The following HIRA variants were observed in gnomAD, a reference collection of about 807,000 sequenced individuals.
HIRA encodes histone cell cycle regulator.
Under a neutral mutation model 126.6 loss-of-function variants are expected in HIRA, and 13 were observed. The ratio of observed to expected loss-of-function variants is 0.10; its 90% CI spans 0.07 to 0.16. HIRA has a LOEUF of 0.16. HIRA is among the 10% of genes least tolerant of loss of function. HIRA has a pLI of 1.00. For synonymous variants in HIRA, 511 were observed against 520.0 expected, an observed-to-expected ratio of 0.98 and a Z score of 0.24; for missense variants, 834 against 1,314.4, an observed-to-expected ratio of 0.63 and a Z score of 5.65.
chr22:19,418,972 G>A (rs2089422278), intron 1 of HIRA, among the ~76,000 whole-genome samples: 1 of 151,526 alleles, frequency 6.6e-6, no homozygotes, highest in Non-Finnish European at 1.5e-5. Context: ...TTTAAAAAAC[G>A]ATATATATGT....
rs782316697 is a variant in HIRA, at chr22:19,356,939, T to C, written c.2347A>G (p.Thr783Ala). 2.3e-5 allele frequency: 37 copies of C among 1,613,850 alleles called. No individual in the cohort carries two copies. The South Asian group carries it at 4.0e-4, about 17-fold the overall frequency. The change falls in exon 19 of 25, where the codon ACA (threonine) becomes GCA (alanine). Residue 783 changes from threonine to alanine, a missense_variant. Physicochemically the swap from Thr to Ala is moderately conservative, Grantham distance 58. Around this residue, in one of 5 missense-constraint regions of HIRA, gnomAD observed 468 missense variants for 574.2 expected, o/e 0.82. Coordinates refer to ENST00000263208, the MANE Select transcript of HIRA (RefSeq NM_003325.4). ...GTGAGCGCCATGACGTAGGAGCCTGTGCAATGCAAAGTAGAGATCGGGGAT... is the reference window on the plus strand; with the variant it reads ...GTGAGCGCCATGACGTAGGAGCCTGCGCAATGCAAAGTAGAGATCGGGGAT... ...LPSPISTLHC[T>A]GSYVMALTAA...
At chr22:19,341,046 T>G (rs958468760) in intron 24 of HIRA, among the ~76,000 whole-genome samples, 5 of 152,328 alleles carry the variant, frequency 3.3e-5, no homozygotes, top group Admixed American at 6.5e-5. Context: ...CAGGGTGTGG[T>G]GGCTCACGCC....
rs369749804 is a variant in HIRA, at chr22:19,353,517, G to A, written c.2687C>T (p.Ser896Leu). ...GAAGAGCCGGGCAGCCTGCCTTCCC[G>A]AGCTGCAGAGACCAGGAGAGTTTCC... ...LAIIQGRTSNSGRQAARLFSV... is the reference protein window; with the variant it reads ...LAIIQGRTSNLGRQAARLFSV... Residue 896 changes from serine to leucine, a missense_variant and splice_region_variant, in exon 23 of 25, where the codon TCG (serine) becomes TTG (leucine). Ser to Leu is a moderately radical substitution (Grantham distance 145, BLOSUM62 -2). Coordinates refer to ENST00000263208, the MANE Select transcript of HIRA (RefSeq NM_003325.4). 6.9e-6 allele frequency: 11 copies of A among 1,603,726 alleles called. No individual in the cohort carries two copies. The highest frequency in any genetic ancestry group is 2.7e-5 in the African/African-American group (2 of 74,810).
chr22:19,378,141 T>C (rs2089036792), intron 13 of HIRA, 75 bp from the exon 14 acceptor site: 7 of 1,144,412 alleles, frequency 6.1e-6, no homozygotes, highest in Non-Finnish European at 8.3e-6. Context: ...TTCAAATAAC[T>C]TTTTTCTAGG....
intron 9 of HIRA, among the ~76,000 whole-genome samples, chr22:19,391,432 C>T (rs939560648): frequency 2.0e-5 from 3 of 152,006 alleles, no homozygotes; most frequent in Non-Finnish European, 2.9e-5. Context: ...TGACAACTCA[C>T]CAAACTGTAC....
At chr22:19,410,572 AAC>A (rs1262484866) in intron 2 of HIRA, 142 bp downstream of exon 2, 24 of 666,210 alleles carry the variant, frequency 3.6e-5, no homozygotes, top group Non-Finnish European at 4.8e-5. Context: ...TCATTCAGAT[AAC>A]ACATTATAAC....
intron 24 of HIRA, among the ~76,000 whole-genome samples, chr22:19,334,570 T>A (rs1248014898): frequency 6.6e-6 from 1 of 151,390 alleles, no homozygotes; most frequent in Non-Finnish European, 1.5e-5. Flanking sequence ...CTGGATCACT[T>A]GAGGTCAGGA....
intron 7 of HIRA, among the ~76,000 whole-genome samples, chr22:19,396,581 C>T (rs759995993): frequency 3.9e-5 from 6 of 152,230 alleles, no homozygotes; most frequent in Non-Finnish European, 7.3e-5. Context: ...AATTAAACAG[C>T]GTCTCAGAAA....
chr22:19,412,428 C>A (rs1045845912), intron 1 of HIRA, among the ~76,000 whole-genome samples: 1 of 152,200 alleles, frequency 6.6e-6, no homozygotes, highest in Non-Finnish European at 1.5e-5. Context: ...TTTAAGCCAG[C>A]AAATTTAGGG....
chr22:19,379,620 G>A (rs1465892984), intron 13 of HIRA, among the ~76,000 whole-genome samples: 1 of 137,434 alleles, frequency 7.3e-6, no homozygotes, highest in Non-Finnish European at 1.5e-5. Flanking sequence ...GTGAGACTTC[G>A]CCTCAATTAA....
chr22:19,422,780 T>C (rs996203840), intron 1 of HIRA, among the ~76,000 whole-genome samples: 3 of 152,176 alleles, frequency 2.0e-5, no homozygotes, highest in South Asian at 4.1e-4. Flanking sequence ...CCCATAGCTA[T>C]CTGTGGAGTG....
At chr22:19,374,311 C>T (rs1023407450) in intron 15 of HIRA, among the ~76,000 whole-genome samples, 13 of 151,972 alleles carry the variant, frequency 8.6e-5, no homozygotes, top group African/African-American at 2.9e-4. Flanking sequence ...ACATAAGCCA[C>T]AACACCTGGA....
chr22:19,361,047 G>T (rs575403418), intron 17 of HIRA, among the ~76,000 whole-genome samples, 190 bp downstream of exon 17: 41 of 152,366 alleles, frequency 2.7e-4, no homozygotes, highest in Middle Eastern at 3.4e-3. Flanking sequence ...ATGGGTGAGT[G>T]AGAGTGGAGG....
intron 14 of HIRA, 35 bp downstream of exon 14, chr22:19,377,834 C>T: frequency 6.5e-7 from 1 of 1,527,346 alleles, no homozygotes; most frequent in South Asian, 1.2e-5. Flanking sequence ...CTGAACTTTC[C>T]CCAGGGACAG....
In HIRA at chr22:19,387,762, G is replaced by T; in HGVS notation, c.1062C>A (p.Phe354Leu). 6.2e-7 allele frequency: 1 copy of T among 1,614,002 alleles called. No homozygotes were observed. Among genetic ancestry groups the T allele is most frequent in the Non-Finnish European group, 8.5e-7 (1 of 1,179,984 alleles). The part of the protein sequence containing the change: ...LVCSMDGSVA[F>L]LDFSQDELGD... ...CAAGCTCATCCTGGGAGAAGTCGAG[G>T]AATGCCACAGAGCCGTCCATAGAGC... The change falls in exon 11 of 25, where the codon TTC becomes TTA. Residue 354 changes from phenylalanine to leucine, a missense_variant. Phe to Leu is a conservative substitution (Grantham distance 22). This residue lies in a region of HIRA where 153 missense variants were observed against 270.6 expected (regional missense o/e 0.57). Transcript: ENST00000263208.
chr22:19,359,571 G>A (rs1411790163), intron 17 of HIRA, 87 bp from the exon 18 acceptor site: 2 of 1,360,362 alleles, frequency 1.5e-6, no homozygotes, highest in African/African-American at 3.0e-5. Context: ...GGGGCCCCAA[G>A]GCAGCAGCAG....
rs1409863560 is a variant in HIRA at position 19,386,897 on chromosome 22, A to G, written c.1113+814T>C. Among the ~76,000 whole-genome samples, 2 of 152,196 alleles carry G rather than the reference A, an allele frequency of 1.3e-5. 1 individual carries two copies. Among genetic ancestry groups the G allele is most frequent in the East Asian group, 3.9e-4 (2 of 5,188 alleles). On this transcript the variant is annotated intron_variant, in intron 11 of 24. Transcript: ENST00000263208. ...GTCATTAAGGCAGACCTCTCCCCCA[A>G]AGGGGTTCACATTTTAGTGGGGAGG...
In HIRA at chr22:19,359,460, T is replaced by A. The variant is rs1302454061; in HGVS notation, c.2110A>T (p.Ile704Phe). The A allele has an allele frequency of 6.2e-7, 1 of 1,608,376 alleles. No homozygotes were observed. ...ACTGTCACTTCATTCTCCACCTCAA[T>A]GTACATGGAAGGATCGGAGCTGACC... is the stretch of plus-strand genomic sequence containing the variant. ...LQVSSDPSMY[I>F]EVENEVTVVG... Residue 704 changes from isoleucine (I) to phenylalanine (F), a missense_variant, in exon 18 of 25, where the codon ATT becomes TTT. Transcript: ENST00000263208.
chr22:19,399,189 A>G, intron 5 of HIRA: 1 of 981,442 alleles, frequency 1.0e-6, no homozygotes, highest in Non-Finnish European at 1.2e-6. Flanking sequence ...CGCCTGGTGC[A>G]GTGCTAGGTA....
Sources: allele counts gnomAD v4.1 joint callset (sites outside exome capture counted in the v4.1 genomes callset), GRCh38; gene constraint gnomAD v4.1.1; regional missense constraint gnomAD v4.1.1; transcripts MANE v1.5; gene names NCBI Gene and HGNC (gene_info 2026-07-23, HGNC 2026-07-21).